The following ATP2A3 variants were observed in gnomAD, a reference collection of about 807,000 sequenced individuals.
The protein encoded by ATP2A3 is ATPase sarcoplasmic/endoplasmic reticulum Ca2+ transporting 3, also known as sarcoplasmic/endoplasmic reticulum calcium ATPase 3.
A neutral mutation model predicts 106.8 loss-of-function variants in ATP2A3; 61 were observed. That is an observed-to-expected ratio of 0.57 (90% confidence interval 0.46 to 0.71). The LOEUF (loss-of-function observed/expected upper bound fraction) is 0.71, where lower values mean the gene tolerates loss of function less well. ATP2A3 is among the 30% of genes least tolerant of loss of function. The pLI is 0.00. For synonymous variants in ATP2A3, 611 were observed against 609.3 expected (o/e 1.00, Z -0.04); for missense variants, 1,201 against 1,423.5 (o/e 0.84, Z 2.52).
chr17:3,936,130 G>T lies in ATP2A3; in HGVS notation c.2524+137C>A. The T allele has an allele frequency of 8.7e-7, 1 of 1,152,156 alleles. No individual in the cohort carries two copies. The highest frequency in any genetic ancestry group is 1.3e-6 in the Non-Finnish European group (1 of 778,844). The allele number at this position is 1,152,156 out of a possible 1,614,324, so 71.4% of individuals were successfully genotyped here. A position where few individuals can be genotyped will look rare whatever the true frequency, so the allele number is the denominator to read the frequency against. Reference sequence around the variant, plus strand: ...CTGAGACCCAGATCCCGCCATGCCTGGTCTTTTCCATTACATGAGCTCATA... The same window carrying T: ...CTGAGACCCAGATCCCGCCATGCCTTGTCTTTTCCATTACATGAGCTCATA... On this transcript the variant is annotated intron_variant, in intron 16 of 20. Transcript: ENST00000397041. The surrounding 1 kb of genome is among the most constrained non-coding windows in gnomAD (Gnocchi z 5.4).
In ATP2A3 at chr17:3,936,997, C is replaced by T. The variant is rs1014478093; in HGVS notation, c.2321+419G>A. The T allele has an allele frequency of 1.2e-5, 4 of 331,676 alleles. No homozygotes were observed. Among genetic ancestry groups the T allele is most frequent in the South Asian group, 2.6e-5 (1 of 38,106 alleles). 20.5% of individuals were successfully genotyped at this position (331,676 alleles called of 1,614,324 possible). On this transcript the variant is annotated intron_variant, in intron 15 of 20. Transcript: ENST00000397041. The surrounding 1 kb of genome is among the most constrained non-coding windows in gnomAD (Gnocchi z 5.4). ...TCTGCTTGTACTCACGCTCAAAATG[C>T]ACCAGAGCACACATGCAAAATATAC...
chr17:3,935,467 C>CCT (rs2053384906), intron 16 of ATP2A3, among the ~76,000 whole-genome samples, 190 bp from the exon 17 acceptor site: 1 of 151,626 alleles, frequency 6.6e-6, no homozygotes, highest in Non-Finnish European at 1.5e-5. Context: ...CTGCCATACC[C>CCT]TTGGCCCCAG....
chr17:3,952,840 C>T (rs2054530404), intron 3 of ATP2A3, among the ~76,000 whole-genome samples: 2 of 152,166 alleles, frequency 1.3e-5, no homozygotes. Flanking sequence ...GATTTTATTG[C>T]CTTGGCCTCC....
intron 1 of ATP2A3, among the ~76,000 whole-genome samples, chr17:3,958,855 T>TAA (rs2054968677): frequency 2.3e-5 from 2 of 87,760 alleles, no homozygotes; most frequent in South Asian, 5.9e-4. Context: ...TATAAATATA[T>TAA]ATATATATAT....
At position 3,953,521 on chromosome 17, in the gene ATP2A3, C is replaced by T; in HGVS notation, c.137-92G>A. The T allele has an allele frequency of 2.0e-6, 3 of 1,526,314 alleles. No individual in the cohort carries two copies. The highest frequency in any genetic ancestry group is 2.7e-6 in the Non-Finnish European group (3 of 1,106,360). 94.5% of individuals were successfully genotyped at this position (1,526,314 alleles called of 1,614,324 possible). A position where few individuals can be genotyped will look rare whatever the true frequency, so the allele number is the denominator to read the frequency against. On this transcript the variant is annotated intron_variant, in intron 2 of 20. Transcript: ENST00000397041. The surrounding 1 kb of genome is among the most constrained non-coding windows in gnomAD (Gnocchi z 5.1). Reference sequence around the variant, plus strand: ...GGCCCGGGAGACCTCCCGGCCCATTCCCTCCCTGCACTCAGAAGAGGGAGA... The same window carrying T: ...GGCCCGGGAGACCTCCCGGCCCATTTCCTCCCTGCACTCAGAAGAGGGAGA...
chr17:3,928,820 C>T lies in ATP2A3; in HGVS notation c.2863-40G>A, dbSNP rs2052868672. 1 of 1,487,106 alleles carries T rather than the reference C, an allele frequency of 6.7e-7. No homozygotes were observed. Among genetic ancestry groups the T allele is most frequent in the East Asian group, 2.5e-5 (1 of 40,720 alleles). The allele number at this position is 1,487,106 out of a possible 1,614,324, so 92.1% of individuals were successfully genotyped here. A position where few individuals can be genotyped will look rare whatever the true frequency, so the allele number is the denominator to read the frequency against. On this transcript the variant is annotated intron_variant, in intron 19 of 20. Coordinates refer to ENST00000397041, the MANE Select transcript of ATP2A3 (RefSeq NM_005173.4). The surrounding 1 kb of genome is among the most constrained non-coding windows in gnomAD (Gnocchi z 6.1). ...AAGGGAGGTTTGGTTAAAGGAAGGA[C>T]TGGCTGTCCCGTGCCCCAGCCATCT...
Position 3,925,465 on chromosome 17 carries a change from G to C in ATP2A3, c.2981-24C>G, listed in dbSNP as rs763605936. 1 of 1,609,402 alleles carries C rather than the reference G, an allele frequency of 6.2e-7. No homozygotes were observed. The highest frequency in any genetic ancestry group is 2.2e-5 in the East Asian group (1 of 44,780). ...TTCTGGAAGAAAAACCCAAGAGCGC[G>C]TTAAGATGTATGTGTAAGGGCACAC... On this transcript the variant is annotated intron_variant, in intron 20 of 20. Transcript: ENST00000397041. This position sits in a 1 kb window ranked among gnomAD's most constrained non-coding sequence, Gnocchi z 4.2.
intron 9 of ATP2A3, 54 bp from the exon 10 acceptor site, chr17:3,944,860 T>C (rs952822665): frequency 4.3e-4 from 404 of 943,558 alleles, no homozygotes; most frequent in Non-Finnish European, 5.5e-4. Flanking sequence ...CCGAGAGGGG[T>C]CCGCCTCTTG....
chr17:3,927,721 G>C (rs1234478713), intron 20 of ATP2A3: 4 of 956,938 alleles, frequency 4.2e-6, no homozygotes, highest in Non-Finnish European at 3.6e-6. Context: ...CTGCACCCTC[G>C]AGTGAGCCCC....
At chr17:3,951,558 G>GCCCCCCCCCCCCGCCC in intron 4 of ATP2A3, 23 bp downstream of exon 4, 1 of 716,230 alleles carries the variant, frequency 1.4e-6, no homozygotes, top group Non-Finnish European at 2.1e-6. Context: ...CCCCCGCCCG[G>GCCCCCCCCCCCCGCCC]TCCCACCCCC....
chr17:3,962,061 C>CA (rs1409371858), intron 1 of ATP2A3, among the ~76,000 whole-genome samples: 1 of 152,174 alleles, frequency 6.6e-6, no homozygotes, highest in East Asian at 1.9e-4. Context: ...CCCCCAGCCC[C>CA]AATCAGTGAT....
In ATP2A3 at chr17:3,936,199, G is replaced by C; in HGVS notation, c.2524+68C>G. ...GCCAGGCTGAGTCACACTGTCTGCAGCTTGCAAGCCTGATACAAGGCTCTT... is the reference window on the plus strand; with the variant it reads ...GCCAGGCTGAGTCACACTGTCTGCACCTTGCAAGCCTGATACAAGGCTCTT... On this transcript the variant is annotated intron_variant, in intron 16 of 20. Transcript: ENST00000397041. The surrounding 1 kb of genome is among the most constrained non-coding windows in gnomAD (Gnocchi z 5.4). 1 of 1,583,152 alleles carries C rather than the reference G, an allele frequency of 6.3e-7. No individual in the cohort carries two copies. The highest frequency in any genetic ancestry group is 8.7e-7 in the Non-Finnish European group (1 of 1,152,698).
Position 3,931,593 on chromosome 17 carries a change from C to T in ATP2A3, c.2611-1159G>A, listed in dbSNP as rs2053095653. 2.0e-5 allele frequency among the ~76,000 whole-genome samples: 3 copies of T among 151,260 alleles called. No individual in the cohort carries two copies. In the East Asian group the frequency reaches 5.8e-4, roughly 29 times the overall value. ...CTGGAGTGCAGTGGCATGATCTCGG[C>T]TCACTGCAAGCTCCGCCTCCCGGGT... On this transcript the variant is annotated intron_variant, in intron 17 of 20. Transcript: ENST00000397041.
At chr17:3,935,406 C>T in intron 16 of ATP2A3, 129 bp from the exon 17 acceptor site, 2 of 836,378 alleles carry the variant, frequency 2.4e-6, no homozygotes, top group South Asian at 3.1e-5. Context: ...CTGTGGTTTG[C>T]AGGCACCTCC....
chr17:3,930,615 G>T lies in ATP2A3; in HGVS notation c.2611-181C>A. 1 of 803,156 alleles carries T rather than the reference G, an allele frequency of 1.2e-6. No individual in the cohort carries two copies. Among genetic ancestry groups the T allele is most frequent in the Non-Finnish European group, 2.0e-6 (1 of 498,434 alleles). The allele number at this position is 803,156 out of a possible 1,614,324, so 49.8% of individuals were successfully genotyped here. ...CGGGGTCGGGGCGGCGGTGGGGAGA[G>T]CTGCACCGTGCCAGGGAGAAGCAAG... On this transcript the variant is annotated intron_variant, in intron 17 of 20. Transcript: ENST00000397041. The surrounding 1 kb of genome is among the most constrained non-coding windows in gnomAD (Gnocchi z 5.4).
In ATP2A3 at chr17:3,951,593, C is replaced by G. The variant is rs773236777; in HGVS notation, c.312G>C (p.Val104=). Residue 104 remains valine (V), a synonymous_variant, in exon 4 of 21, where the codon GTG becomes GTC. Coordinates refer to ENST00000397041, the MANE Select transcript of ATP2A3 (RefSeq NM_005173.4). The part of the protein sequence containing the change: ...IMLILVANAI[V]GVWQERNAES... ...CAGTGCCTCCCACCTGCCACACGCC[C>G]ACAATGGCGTTGGCCACGAGGATCA... 13 of 1,605,712 alleles carry G rather than the reference C, an allele frequency of 8.1e-6. No homozygotes were observed. The highest frequency in any genetic ancestry group is 1.7e-5 in the Admixed American group (1 of 59,228).
chr17:3,943,271 CAAAAAAAA>C, intron 11 of ATP2A3, 112 bp downstream of exon 11: 2 of 1,306,274 alleles, frequency 1.5e-6, no homozygotes, highest in Non-Finnish European at 2.1e-6. Flanking sequence ...GACTCCGTCT[CAAAAAAAA>C]AAAAAAACAA....
intron 17 of ATP2A3, among the ~76,000 whole-genome samples, chr17:3,931,389 A>T (rs530602699): frequency 6.6e-6 from 1 of 152,254 alleles, no homozygotes; most frequent in African/African-American, 2.4e-5. Flanking sequence ...AACGGAGGGT[A>T]TTGGGGGAAC....
chr17:3,951,546 G>GCCCCCCCCCCCCGGCCCCCC, intron 4 of ATP2A3, 35 bp downstream of exon 4: 79 of 1,319,494 alleles, frequency 6.0e-5, no homozygotes, highest in Non-Finnish European at 7.7e-5. Context: ...CTGGGAGACC[G>GCCCCCCCCCCCCGGCCCCCC]CCCCCCGCCC....
Sources: allele counts gnomAD v4.1 joint callset (sites outside exome capture counted in the v4.1 genomes callset), GRCh38; gene constraint gnomAD v4.1.1; non-coding constraint Gnocchi (gnomAD v3.1); transcripts MANE v1.5; gene names NCBI Gene and HGNC (gene_info 2026-07-23, HGNC 2026-07-21).